SCML2: variants seen among roughly 807,000 people sequenced by gnomAD.
SCML2 encodes Scm polycomb group protein like 2, also known as sex comb on midleg-like protein 2.
Under a neutral mutation model 48.4 loss-of-function variants are expected in SCML2, and 6 were observed. The observed-to-expected ratio is 0.12, with a 90% CI of 0.07 to 0.24. SCML2 has a LOEUF of 0.24. SCML2 is among the 10% of genes least tolerant of loss of function. The pLI, the probability that SCML2 is intolerant of heterozygous loss-of-function variation, is 1.00. For synonymous variants in SCML2, 181 were observed against 189.5 expected (o/e 0.95, Z 0.37); for missense variants, 377 against 528.2 (o/e 0.71, Z 2.81).
chrX:18,250,856 G>T (rs1270837809), intron 11 of SCML2, among the ~76,000 whole-genome samples: 5 of 110,888 alleles, frequency 4.5e-5, no homozygotes, highest in Non-Finnish European at 7.5e-5. Flanking sequence ...TAGACTCACA[G>T]TTCCACATGG....
At position 18,257,026 on chromosome X, in the gene SCML2, G is replaced by C. The variant is rs761671144; in HGVS notation, c.1278C>G (p.Ser426=). The change falls in exon 11 of 15, where the codon TCC becomes TCG. Residue 426 remains serine, a synonymous_variant. Transcript: ENST00000251900. ...DNRGGEVITA[S]FDGETHSIQL... ...GGATGGAATGAGTTTCCCCATCAAA[G>C]GAGGCTATTGGGGGAAAAAAAAGGA... The C allele has an allele frequency of 4.3e-6, 5 of 1,162,135 alleles. No individual in the cohort carries two copies. The South Asian group carries it at 1.1e-4, about 25-fold the overall frequency.
intron 8 of SCML2, among the ~76,000 whole-genome samples, chrX:18,262,861 G>A (rs1430297158): frequency 1.9e-5 from 2 of 107,493 alleles, no homozygotes; most frequent in East Asian, 5.8e-4. Flanking sequence ...GGCTACATGC[G>A]TGTGCCACTG....
At chrX:18,305,968 T>C (rs1928743520) in intron 6 of SCML2, among the ~76,000 whole-genome samples, 1 of 111,600 alleles carries the variant, frequency 9.0e-6, no homozygotes, top group East Asian at 2.8e-4. Context: ...CAATCTGCTT[T>C]TCATCCTACT....
At chrX:18,275,260 A>G (rs1927591129) in intron 7 of SCML2, among the ~76,000 whole-genome samples, 1 of 112,313 alleles carries the variant, frequency 8.9e-6, no homozygotes, top group Admixed American at 9.4e-5. Flanking sequence ...CATTTTACAG[A>G]ATTTGACTTT....
intron 3 of SCML2, among the ~76,000 whole-genome samples, chrX:18,326,816 G>A (rs1929495788): frequency 9.0e-6 from 1 of 110,956 alleles, no homozygotes; most frequent in Non-Finnish European, 1.9e-5. Flanking sequence ...TTATAAAACG[G>A]GAAAAGTAAT....
intron 7 of SCML2, among the ~76,000 whole-genome samples, chrX:18,278,802 G>A (rs1170274490): frequency 2.7e-5 from 3 of 112,917 alleles, no homozygotes; most frequent in Non-Finnish European, 3.8e-5. Context: ...CAGGAGCCAC[G>A]GAAAGTTCCA....
At chrX:18,338,926 A>AG (rs1273740443) in intron 1 of SCML2, among the ~76,000 whole-genome samples, 4 of 96,814 alleles carry the variant, frequency 4.1e-5, no homozygotes, top group African/African-American at 1.6e-4. Context: ...CATTAAAAAA[A>AG]AAAAAAAAGA....
At chrX:18,276,299 GAAA>G (rs369588545) in intron 7 of SCML2, among the ~76,000 whole-genome samples, 1 of 58,394 alleles carries the variant, frequency 1.7e-5, no homozygotes, top group African/African-American at 6.0e-5. Context: ...GTCTCAAGAA[GAAA>G]AAAAAAAAAA....
intron 7 of SCML2, among the ~76,000 whole-genome samples, chrX:18,289,723 A>G (rs1928169125): frequency 8.9e-6 from 1 of 112,080 alleles, no homozygotes; most frequent in South Asian, 3.7e-4. Flanking sequence ...GTTGGTGAAT[A>G]CATGCATTAA....
In SCML2 at chrX:18,258,263, G is replaced by A. The variant is rs188613904; in HGVS notation, c.1070-16C>T. The A allele has an allele frequency of 5.4e-4, 631 of 1,163,176 alleles. 1 individual carries two copies. The African/African-American group carries it at 9.7e-3, about 18-fold the overall frequency. On this transcript the variant is annotated splice_polypyrimidine_tract_variant and intron_variant, in intron 9 of 14. Coordinates refer to ENST00000251900, the MANE Select transcript of SCML2 (RefSeq NM_006089.3). ...TAGACACAGACTTGAGAAAAAATGCGTATGCATACATAACAATGAGACTGA... is the reference window on the plus strand; with the variant it reads ...TAGACACAGACTTGAGAAAAAATGCATATGCATACATAACAATGAGACTGA...
chrX:18,257,970 G>A (rs1602082675), intron 10 of SCML2, 74 bp downstream of exon 10: 3 of 364,889 alleles, frequency 8.2e-6, no homozygotes, highest in South Asian at 3.8e-5. Context: ...AGGGAAGGGG[G>A]AAGGGAAGGG....
Position 18,265,808 on chromosome X carries a change from G to GA in SCML2, c.731-7dup. ...TATATTCTTTACAATAGGAACTGAG[G>GA]AAAAAAATACAAAAAATATTAAAGT... On this transcript the variant is annotated splice_region_variant and splice_polypyrimidine_tract_variant and intron_variant, in intron 7 of 14. Transcript: ENST00000251900. 3.5e-6 allele frequency: 4 copies of GA among 1,146,925 alleles called. No individual in the cohort carries two copies. The highest frequency in any genetic ancestry group is 1.8e-5 in the African/African-American group (1 of 55,838). 94.5% of individuals were successfully genotyped at this position (1,146,925 alleles called of 1,213,427 possible).
chrX:18,279,635 G>A (rs1927760241), intron 7 of SCML2, among the ~76,000 whole-genome samples: 1 of 111,561 alleles, frequency 9.0e-6, no homozygotes. Context: ...CAATGTGAGA[G>A]GTGAAAGACA....
At chrX:18,270,842 A>G (rs1432043596) in intron 7 of SCML2, among the ~76,000 whole-genome samples, 1 of 111,412 alleles carries the variant, frequency 9.0e-6, no homozygotes, top group African/African-American at 3.3e-5. Context: ...GTGTGTTCAT[A>G]GTGGTCACAA....
At chrX:18,244,484 T>C (rs2147459090) in intron 13 of SCML2, among the ~76,000 whole-genome samples, 1 of 112,110 alleles carries the variant, frequency 8.9e-6, no homozygotes, top group East Asian at 2.8e-4. Context: ...AATTTTATAT[T>C]AAAAATAAAA....
chrX:18,301,536 C>A lies in SCML2; in HGVS notation c.730+3436G>T, dbSNP rs757066973. 8.2e-4 allele frequency among the ~76,000 whole-genome samples: 92 copies of A among 112,273 alleles called. 1 individual carries two copies. Among genetic ancestry groups the A allele is most frequent in the Non-Finnish European group, 1.4e-3 (76 of 53,204 alleles). ...CCTATAATCCCAACACTTTGAGAGG[C>A]TGAAGAGGGAGAATCACTTGAGTCC... On this transcript the variant is annotated intron_variant, in intron 7 of 14. Coordinates refer to ENST00000251900, the MANE Select transcript of SCML2 (RefSeq NM_006089.3).
At chrX:18,244,579 G>A (rs771914752) in intron 13 of SCML2, among the ~76,000 whole-genome samples, 1 of 111,647 alleles carries the variant, frequency 9.0e-6, no homozygotes, top group South Asian at 3.8e-4. Flanking sequence ...AAGTTTGCAA[G>A]CATTACATTA....
intron 1 of SCML2, among the ~76,000 whole-genome samples, chrX:18,354,381 A>G (rs771184290): frequency 1.8e-5 from 2 of 111,508 alleles, no homozygotes; most frequent in South Asian, 3.7e-4. Flanking sequence ...GAAACGCGAG[A>G]TCGGCTGAAG....
At chrX:18,333,597 A>G (rs753567051) in intron 2 of SCML2, among the ~76,000 whole-genome samples, 1 of 112,183 alleles carries the variant, frequency 8.9e-6, no homozygotes, top group Non-Finnish European at 1.9e-5. Context: ...CTCAGCATTC[A>G]GCCAGAGGAA....
Sources: allele counts gnomAD v4.1 joint callset (sites outside exome capture counted in the v4.1 genomes callset), GRCh38; gene constraint gnomAD v4.1.1; transcripts MANE v1.5; gene names NCBI Gene and HGNC (gene_info 2026-07-23, HGNC 2026-07-21).